Variants in LRRC41 observed in about 807,000 individuals in gnomAD.
LRRC41 encodes the protein leucine-rich repeat-containing protein 41.
In LRRC41, 17 loss-of-function variants were observed where a neutral mutation model predicts 72.1. The observed-to-expected ratio is 0.24, with a 90% CI of 0.16 to 0.35. The LOEUF is 0.35. LRRC41 is among the 10% of genes least tolerant of loss of function. The pLI is 1.00. For missense variants in LRRC41, 759 were observed against 1,065.0 expected (o/e 0.71, Z 4.00); for synonymous variants, 427 against 431.0 (o/e 0.99, Z 0.11).
At position 46,279,315 on chromosome 1, in the gene LRRC41, C is replaced by T. The variant is rs1202933538; in HGVS notation, c.2144-58G>A. On this transcript the variant is annotated intron_variant, in intron 8 of 9. Transcript: ENST00000617190. This position sits in a 1 kb window ranked among gnomAD's most constrained non-coding sequence, Gnocchi z 4.5. Reference sequence around the variant, plus strand: ...ACCCAAGAACAGGGGACAAGGGTATCCCAACCCAACTATGGCTGGCAGAAC... The same window carrying T: ...ACCCAAGAACAGGGGACAAGGGTATTCCAACCCAACTATGGCTGGCAGAAC... The T allele has an allele frequency of 6.3e-7, 1 of 1,592,968 alleles. No individual in the cohort carries two copies. Among genetic ancestry groups the T allele is most frequent in the Non-Finnish European group, 8.6e-7 (1 of 1,160,880 alleles).
At chr1:46,281,631 G>A (rs1660776782) in intron 4 of LRRC41, among the ~76,000 whole-genome samples, 1 of 152,206 alleles carries the variant, frequency 6.6e-6, no homozygotes, top group East Asian at 1.9e-4. Flanking sequence ...TCACAAAATT[G>A]AGAAGATACA....
chr1:46,292,489 T>C (rs1472446392), intron 3 of LRRC41, among the ~76,000 whole-genome samples: 1 of 152,208 alleles, frequency 6.6e-6, no homozygotes, highest in Non-Finnish European at 1.5e-5. Flanking sequence ...CATAGTAAAA[T>C]GCAAATTTCG....
chr1:46,292,328 G>T (rs939284434), intron 3 of LRRC41, among the ~76,000 whole-genome samples: 6 of 151,990 alleles, frequency 3.9e-5, no homozygotes, highest in Non-Finnish European at 8.8e-5. Context: ...GAATTCATGG[G>T]CTCAAGTGAT....
intron 1 of LRRC41, among the ~76,000 whole-genome samples, chr1:46,301,455 TCTC>T (rs139252995): frequency 0.036 from 5,533 of 152,090 alleles, 155 homozygotes; most frequent in Non-Finnish European, 0.048. Context: ...CCCCTTGTCT[TCTC>T]AGCCGCTGGC....
chr1:46,278,938 C>T lies in LRRC41; in HGVS notation c.2366G>A (p.Arg789Gln), dbSNP rs1180684435. 6 of 1,613,870 alleles carry T rather than the reference C, an allele frequency of 3.7e-6. No homozygotes were observed. Among genetic ancestry groups the T allele is most frequent in the East Asian group, 2.2e-5 (1 of 44,874 alleles). ...GTCGCTAACCACATGGCAGGTAGCC[C>T]GGAGCCGCCGGATGGCTTCCCTGGC... ...VTAREAIRRL[R>Q]ATCHVVSDSW... Residue 789 changes from arginine (R) to glutamine (Q), a missense_variant, in exon 10 of 10, where the codon CGG (arginine) becomes CAG (glutamine). Physicochemically the swap from Arg to Gln is conservative, Grantham distance 43. This residue lies in a region of LRRC41 where 110 missense variants were observed against 227.0 expected (regional missense o/e 0.48). Transcript: ENST00000617190.
chr1:46,283,733 TCTCA>T (rs1660827080), intron 4 of LRRC41, among the ~76,000 whole-genome samples: 2 of 148,888 alleles, frequency 1.3e-5, no homozygotes, highest in South Asian at 4.3e-4. Context: ...TGAGATGGAG[TCTCA>T]CTCTGTTGCC....
chr1:46,294,729 G>C (rs555137649), intron 3 of LRRC41, among the ~76,000 whole-genome samples: 1 of 151,530 alleles, frequency 6.6e-6, no homozygotes, highest in Non-Finnish European at 1.5e-5. Context: ...TGAGTAGCTG[G>C]AACTAAAGGC....
intron 3 of LRRC41, among the ~76,000 whole-genome samples, chr1:46,287,234 G>A (rs899048328): frequency 6.6e-6 from 1 of 152,118 alleles, no homozygotes; most frequent in South Asian, 2.1e-4. Context: ...TCAGCCTCCC[G>A]AGTAGCTGGG....
Position 46,279,563 on chromosome 1 carries a change from A to G in LRRC41, c.2072T>C (p.Leu691Pro). 6.2e-7 allele frequency: 1 copy of G among 1,614,178 alleles called. No individual in the cohort carries two copies. Among genetic ancestry groups the G allele is most frequent in the Non-Finnish European group, 8.5e-7 (1 of 1,180,038 alleles). Residue 691 changes from leucine to proline, a missense_variant, in exon 8 of 10, where the codon CTG (leucine) becomes CCG (proline). By Grantham distance (98) the Leu-to-Pro change is moderately conservative. Transcript: ENST00000617190. The surrounding 1 kb of genome is among the most constrained non-coding windows in gnomAD (Gnocchi z 4.5). ...RLFEKRPAQF[L>P]PEMVAAMKGN... ...CTTCATAGCAGCAACCATCTCAGGC[A>G]GAAATTGGGCTGGGCGCTTCTCAAA...
chr1:46,292,358 A>G (rs1661037616), intron 3 of LRRC41, among the ~76,000 whole-genome samples: 1 of 152,162 alleles, frequency 6.6e-6, no homozygotes, highest in Admixed American at 6.5e-5. Flanking sequence ...TTGGTGTTCT[A>G]AAGTCTGGAA....
At chr1:46,298,221 G>C (rs72883422) in intron 2 of LRRC41, 63 bp downstream of exon 2, 88 of 1,195,100 alleles carry the variant, frequency 7.4e-5, no homozygotes, top group Non-Finnish European at 1.0e-4. Context: ...AATATTTACC[G>C]GAAGAACATT....
In LRRC41 at chr1:46,302,913, C is replaced by A. The variant is rs1661274071; in HGVS notation, c.199+211G>T. ...CGCCCCCCGCGCCCCCGAGCCAGGC[C>A]GCGGTGCGGGTCAGCCTGCCCATTT... is the stretch of plus-strand genomic sequence containing the variant. On this transcript the variant is annotated intron_variant, in intron 1 of 9. Transcript: ENST00000617190. This position sits in a 1 kb window ranked among gnomAD's most constrained non-coding sequence, Gnocchi z 4.7. The A allele has an allele frequency of 2.0e-6, 2 of 983,930 alleles. No homozygotes were observed. The highest frequency in any genetic ancestry group is 1.2e-6 in the Non-Finnish European group (1 of 829,484). The allele number at this position is 983,930 out of a possible 1,614,324, so 60.9% of individuals were successfully genotyped here.
chr1:46,295,121 G>A (rs903786228), intron 3 of LRRC41, among the ~76,000 whole-genome samples: 2 of 152,092 alleles, frequency 1.3e-5, no homozygotes, highest in South Asian at 4.1e-4. Context: ...GTACAGTGGT[G>A]CGATCTTGGC....
At chr1:46,295,612 A>G (rs1270229127) in intron 3 of LRRC41, among the ~76,000 whole-genome samples, 3 of 152,228 alleles carry the variant, frequency 2.0e-5, no homozygotes, top group African/African-American at 4.8e-5. Flanking sequence ...CTGTTGGGCC[A>G]CCAAGCCTGG....
chr1:46,279,063 A>G lies in LRRC41; in HGVS notation c.2241T>C (p.Asp747=), dbSNP rs1475033030. 6.2e-7 allele frequency: 1 copy of G among 1,609,836 alleles called. No homozygotes were observed. The change falls in exon 10 of 10, where the codon GAT becomes GAC. Residue 747 remains aspartate (D), a synonymous_variant. Coordinates refer to ENST00000617190, the MANE Select transcript of LRRC41 (RefSeq NM_006369.5). The surrounding 1 kb of genome is among the most constrained non-coding windows in gnomAD (Gnocchi z 4.5). The part of the protein sequence containing the change: ...LDISSNCIKP[D]GLLEFAKRLE... ...GCCGCTTGGCGAACTCCAGAAGCCCATCTGGCTTGATGCAGTTGGAACTGG... is the reference window on the plus strand; with the variant it reads ...GCCGCTTGGCGAACTCCAGAAGCCCGTCTGGCTTGATGCAGTTGGAACTGG...
At position 46,278,802 on chromosome 1, in the gene LRRC41, G is replaced by T; in HGVS notation, c.*63C>A. On this transcript the variant is annotated 3_prime_UTR_variant, in exon 10 of 10. Transcript: ENST00000617190. ...GAACTGGTGGTTGGGGTTCTGGGCA[G>T]CCCATGCTTCAGCCCCTGCAAGCTG... is the stretch of plus-strand genomic sequence containing the variant. The T allele has an allele frequency of 6.8e-7, 1 of 1,479,216 alleles. No individual in the cohort carries two copies. The allele number at this position is 1,479,216 out of a possible 1,614,324, so 91.6% of individuals were successfully genotyped here. A position where few individuals can be genotyped will look rare whatever the true frequency, so the allele number is the denominator to read the frequency against.
intron 4 of LRRC41, among the ~76,000 whole-genome samples, chr1:46,283,194 T>C (rs976852661): frequency 5.9e-5 from 9 of 152,244 alleles, no homozygotes. Context: ...ATGCTTGGGC[T>C]GCAGTGCAGA....
In LRRC41 at chr1:46,286,636, GTAT is replaced by G. The variant is rs990935125; in HGVS notation, c.358-140_358-138del. On this transcript the variant is annotated intron_variant, in intron 3 of 9. Transcript: ENST00000617190. The surrounding 1 kb of genome is among the most constrained non-coding windows in gnomAD (Gnocchi z 5.5). ...TTTAATCTTCACATCTCTGAGGTAT[GTAT>G]TATTATTAGCCCTATTTTACAGGTA... 7 of 840,144 alleles carry G rather than the reference GTAT, an allele frequency of 8.3e-6. No individual in the cohort carries two copies. Among genetic ancestry groups the G allele is most frequent in the African/African-American group, 3.4e-5 (2 of 58,508 alleles). The allele number at this position is 840,144 out of a possible 1,614,324, so 52.0% of individuals were successfully genotyped here.
At chr1:46,298,930 T>G (rs1381061847) in intron 1 of LRRC41, 1 of 152,402 alleles carries the variant, frequency 6.6e-6, no homozygotes, top group Non-Finnish European at 1.5e-5. Flanking sequence ...CTACTCATCT[T>G]TCAAGTATCA....
Sources: allele counts gnomAD v4.1 joint callset (sites outside exome capture counted in the v4.1 genomes callset), GRCh38; gene constraint gnomAD v4.1.1; regional missense constraint gnomAD v4.1.1; non-coding constraint Gnocchi (gnomAD v3.1); transcripts MANE v1.5; gene names NCBI Gene and HGNC (gene_info 2026-07-23, HGNC 2026-07-21).